ROR1: variants seen among roughly 807,000 people sequenced by gnomAD.
ROR1 encodes the protein inactive tyrosine-protein kinase transmembrane receptor ROR1.
A neutral mutation model predicts 78.8 loss-of-function variants in ROR1; 19 were observed. The observed-to-expected ratio is 0.24, with a 90% CI of 0.17 to 0.35. The LOEUF is 0.35. Among genes scored for constraint, ROR1 ranks in the 10% least tolerant of loss-of-function variants. The pLI, the probability that ROR1 is intolerant of heterozygous loss-of-function variation, is 1.00. For synonymous variants in ROR1, 386 were observed against 433.6 expected (o/e 0.89, Z 1.36); for missense variants, 917 against 1,177.8 (o/e 0.78, Z 3.24).
At chr1:64,161,231 G>C (rs1649934121) in intron 8 of ROR1, among the ~76,000 whole-genome samples, 1 of 152,164 alleles carries the variant, frequency 6.6e-6, no homozygotes, top group African/African-American at 2.4e-5. Context: ...GACACAAACA[G>C]ACTAAGTAAC....
rs1649923491 is a variant in ROR1 at position 64,160,997 on chromosome 1, T to C, written c.1386+1805T>C. ...TTTGTGGGTTAGCCTTAATCTGCAATTGAATTACATTTTTAGTGGAGGTTT... is the reference window on the plus strand; with the variant it reads ...TTTGTGGGTTAGCCTTAATCTGCAACTGAATTACATTTTTAGTGGAGGTTT... On this transcript the variant is annotated intron_variant, in intron 8 of 8. Coordinates refer to ENST00000371079, the MANE Select transcript of ROR1 (RefSeq NM_005012.4). 2.6e-5 allele frequency among the ~76,000 whole-genome samples: 4 copies of C among 152,356 alleles called. No homozygotes were observed. The South Asian group carries it at 8.3e-4, about 32-fold the overall frequency.
chr1:64,172,096 T>C (rs1372802621), intron 8 of ROR1, among the ~76,000 whole-genome samples: 1 of 152,198 alleles, frequency 6.6e-6, no homozygotes, highest in Non-Finnish European at 1.5e-5. Flanking sequence ...AAAACGCTAC[T>C]CATAGTTCAT....
At chr1:64,075,228 A>G (rs1199800638) in intron 4 of ROR1, among the ~76,000 whole-genome samples, 1 of 152,200 alleles carries the variant, frequency 6.6e-6, no homozygotes, top group Non-Finnish European at 1.5e-5. Flanking sequence ...ATTTAATAAA[A>G]TTACACTTCA....
chr1:63,845,792 A>G (rs1569808491), intron 1 of ROR1, among the ~76,000 whole-genome samples: 1 of 152,110 alleles, frequency 6.6e-6, no homozygotes, highest in East Asian at 1.9e-4. Context: ...TATGTGTTTT[A>G]CCTGCTTTAA....
intron 1 of ROR1, among the ~76,000 whole-genome samples, chr1:63,811,147 T>G (rs1002106688): frequency 6.6e-6 from 1 of 152,040 alleles, no homozygotes; most frequent in Admixed American, 6.6e-5. Flanking sequence ...ATAAGGAGAG[T>G]GGCAAAATGT....
At chr1:63,864,456 T>A (rs1316021586) in intron 1 of ROR1, among the ~76,000 whole-genome samples, 1 of 152,190 alleles carries the variant, frequency 6.6e-6, no homozygotes, top group Non-Finnish European at 1.5e-5. Flanking sequence ...AGGTGACTCA[T>A]GAACCCTTGG....
In ROR1 at chr1:64,164,038, T is replaced by C. The variant is rs571873532; in HGVS notation, c.1386+4846T>C. On this transcript the variant is annotated intron_variant, in intron 8 of 8. Transcript: ENST00000371079. Reference sequence around the variant, plus strand: ...TATTCTTAACCACCATCCTGAAATATATTTTTTTTTCCCCTTGACTTTCCT... The same window carrying C: ...TATTCTTAACCACCATCCTGAAATACATTTTTTTTTCCCCTTGACTTTCCT... 7.3e-5 allele frequency among the ~76,000 whole-genome samples: 8 copies of C among 110,048 alleles called. No individual in the cohort carries two copies. The East Asian group carries it at 1.9e-3, about 26-fold the overall frequency. The allele number at this position is 110,048 out of a possible 152,430, so 72.2% of individuals were successfully genotyped here. A position where few individuals can be genotyped will look rare whatever the true frequency, so the allele number is the denominator to read the frequency against.
At chr1:63,895,330 A>T (rs550472068) in intron 1 of ROR1, among the ~76,000 whole-genome samples, 1 of 152,250 alleles carries the variant, frequency 6.6e-6, no homozygotes, top group South Asian at 2.1e-4. Context: ...AGACAGTGGG[A>T]TATAGTATTG....
intron 1 of ROR1, among the ~76,000 whole-genome samples, chr1:63,990,192 G>A (rs1203681360): frequency 6.6e-6 from 1 of 152,118 alleles, no homozygotes; most frequent in Non-Finnish European, 1.5e-5. Context: ...AAACCACAGA[G>A]GGCATTGGCT....
intron 1 of ROR1, among the ~76,000 whole-genome samples, chr1:63,955,357 C>G (rs184822248): frequency 2.8e-4 from 43 of 152,232 alleles, no homozygotes; most frequent in African/African-American, 1.0e-3. Context: ...TTTTCCCCAT[C>G]TCCCTCAGAT....
At chr1:64,076,344 C>T (rs1470897853) in intron 4 of ROR1, among the ~76,000 whole-genome samples, 2 of 152,172 alleles carry the variant, frequency 1.3e-5, no homozygotes, top group Non-Finnish European at 2.9e-5. Context: ...GTGACCTTTT[C>T]ATTTCTTCTT....
At position 63,774,408 on chromosome 1, in the gene ROR1, G is replaced by C. The variant is rs968079325; in HGVS notation, c.-10G>C. 9.6e-6 allele frequency: 12 copies of C among 1,249,882 alleles called. No homozygotes were observed. The highest frequency in any genetic ancestry group is 1.2e-5 in the Non-Finnish European group (12 of 993,776). 77.4% of individuals were successfully genotyped at this position (1,249,882 alleles called of 1,614,324 possible). ...GAGCCGCCGCCGCCGCCGCCTCAGC[G>C]AGAGGAGGAATGCACCGGCCGCGCC... On this transcript the variant is annotated 5_prime_UTR_variant, in exon 1 of 9. Coordinates refer to ENST00000371079, the MANE Select transcript of ROR1 (RefSeq NM_005012.4). This position sits in a 1 kb window ranked among gnomAD's most constrained non-coding sequence, Gnocchi z 5.7.
intron 1 of ROR1, among the ~76,000 whole-genome samples, chr1:63,793,469 C>T (rs560194255): frequency 1.3e-5 from 2 of 152,286 alleles, no homozygotes; most frequent in South Asian, 4.1e-4. Context: ...TATGAATGTA[C>T]CAAAATATCA....
chr1:63,991,461 CCTT>C (rs1416910231), intron 1 of ROR1, among the ~76,000 whole-genome samples: 1 of 152,104 alleles, frequency 6.6e-6, no homozygotes, highest in Admixed American at 6.5e-5. Flanking sequence ...CAAAGTGGTC[CCTT>C]CTTAGTTTGC....
chr1:64,078,838 G>A (rs1647074557), intron 4 of ROR1, among the ~76,000 whole-genome samples: 1 of 152,170 alleles, frequency 6.6e-6, no homozygotes, highest in African/African-American at 2.4e-5. Flanking sequence ...AGTGAGAGGT[G>A]ACAGAGTATT....
chr1:64,119,209 A>G (rs1022381475), intron 4 of ROR1, among the ~76,000 whole-genome samples: 1 of 152,282 alleles, frequency 6.6e-6, no homozygotes, highest in East Asian at 1.9e-4. Context: ...CTCTGGGGGA[A>G]TGTGGTCCCC....
At chr1:63,973,335 A>G (rs1646133612) in intron 1 of ROR1, among the ~76,000 whole-genome samples, 1 of 152,198 alleles carries the variant, frequency 6.6e-6, no homozygotes, top group African/African-American at 2.4e-5. Flanking sequence ...TGCCCAGAGC[A>G]TATTTATGAC....
intron 4 of ROR1, among the ~76,000 whole-genome samples, chr1:64,086,652 G>C (rs1045701981): frequency 3.3e-5 from 5 of 152,182 alleles, no homozygotes; most frequent in African/African-American, 1.2e-4. Flanking sequence ...TAGATGATGA[G>C]CCTGGTGAAG....
chr1:63,774,542 A>G lies in ROR1; in HGVS notation c.91+34A>G. ...CGCCCGCCGGCCCCCGCCCGCCCAG[A>G]CCCCCTGACCCGTGGCCACCCTTCC... On this transcript the variant is annotated intron_variant, in intron 1 of 8. Coordinates refer to ENST00000371079, the MANE Select transcript of ROR1 (RefSeq NM_005012.4). The surrounding 1 kb of genome is among the most constrained non-coding windows in gnomAD (Gnocchi z 5.7). 2 of 946,926 alleles carry G rather than the reference A, an allele frequency of 2.1e-6. No homozygotes were observed. Among genetic ancestry groups the G allele is most frequent in the African/African-American group, 1.8e-5 (1 of 54,722 alleles). 58.7% of individuals were successfully genotyped at this position (946,926 alleles called of 1,614,324 possible). A position where few individuals can be genotyped will look rare whatever the true frequency, so the allele number is the denominator to read the frequency against.
Sources: allele counts gnomAD v4.1 joint callset (sites outside exome capture counted in the v4.1 genomes callset), GRCh38; gene constraint gnomAD v4.1.1; non-coding constraint Gnocchi (gnomAD v3.1); transcripts MANE v1.5; gene names NCBI Gene and HGNC (gene_info 2026-07-23, HGNC 2026-07-21).